Variants in NOS1 observed in about 807,000 individuals in gnomAD.
NOS1 encodes the protein nitric oxide synthase 1.
Under a neutral mutation model 164.5 loss-of-function variants are expected in NOS1, and 51 were observed. The ratio of observed to expected loss-of-function variants is 0.31; its 90% CI spans 0.25 to 0.39. The LOEUF is 0.39. Ranked by LOEUF, NOS1 falls within the 10% of genes least tolerant of loss-of-function variation. The probability of loss-of-function intolerance (pLI) is 1.00; values close to 1 mark genes in which losing one functional copy is unlikely to be tolerated. For synonymous variants in NOS1, 719 were observed against 745.8 expected, an observed-to-expected ratio of 0.96 and a Z score of 0.59; for missense variants, 1,362 against 1,885.6, an observed-to-expected ratio of 0.72 and a Z score of 5.14.
At chr12:117,238,062 T>C (rs1020081546) in intron 20 of NOS1, among the ~76,000 whole-genome samples, 1 of 152,046 alleles carries the variant, frequency 6.6e-6, no homozygotes, top group Non-Finnish European at 1.5e-5. Context: ...AAAGGTGGCA[T>C]GTTCAAGGAA....
At chr12:117,305,179 C>T in intron 3 of NOS1, 3 of 705,772 alleles carry the variant, frequency 4.3e-6, no homozygotes, top group Non-Finnish European at 5.2e-6. Context: ...GAAGCTGATT[C>T]CGGCTGGGAG....
chr12:117,311,149 G>C (rs1038048032), intron 3 of NOS1, among the ~76,000 whole-genome samples: 4 of 152,204 alleles, frequency 2.6e-5, no homozygotes, highest in African/African-American at 9.7e-5. Flanking sequence ...ACAGGCATGA[G>C]GCACTATGAC....
intron 14 of NOS1, among the ~76,000 whole-genome samples, chr12:117,260,238 C>T (rs1408067678): frequency 1.3e-5 from 2 of 152,110 alleles, no homozygotes; most frequent in Non-Finnish European, 2.9e-5. Flanking sequence ...AACCCTCTAA[C>T]ATTTTGCTCT....
intron 12 of NOS1, among the ~76,000 whole-genome samples, chr12:117,264,957 C>A (rs1031786592): frequency 6.6e-6 from 1 of 151,982 alleles, no homozygotes; most frequent in East Asian, 1.9e-4. Flanking sequence ...CCTGCCTTGG[C>A]CTCCCAAAGT....
At chr12:117,301,690 C>T (rs953060490) in intron 3 of NOS1, among the ~76,000 whole-genome samples, 9 of 152,098 alleles carry the variant, frequency 5.9e-5, no homozygotes, top group Non-Finnish European at 1.3e-4. Context: ...ACAGCCCGGC[C>T]CCCAGGAGGC....
Position 117,331,329 on chromosome 12 carries a change from G to C in NOS1, c.-260C>G. On this transcript the variant is annotated 5_prime_UTR_variant, in exon 2 of 29. Transcript: ENST00000317775. ...GGAAGTGATGGTTGACCAGGCAGAC[G>C]TCAAGAGAGGCGGTGGGACGTGTCC... 1 of 492,896 alleles carries C rather than the reference G, an allele frequency of 2.0e-6. No homozygotes were observed. Among genetic ancestry groups the C allele is most frequent in the Non-Finnish European group, 3.6e-6 (1 of 274,332 alleles). The allele number at this position is 492,896 out of a possible 1,614,324, so 30.5% of individuals were successfully genotyped here.
chr12:117,208,804 C>G lies in NOS1; in HGVS notation c.*6505G>C, dbSNP rs982499577. On this transcript the variant is annotated 3_prime_UTR_variant, in exon 29 of 29. Coordinates refer to ENST00000317775, the MANE Select transcript of NOS1 (RefSeq NM_000620.5). ...GTGGTGCCATCTCGGCTCACTGCAG[C>G]CTCTGCCTCCTGGGTTCAAGTAATT... is the stretch of plus-strand genomic sequence containing the variant. The G allele has an allele frequency of 3.4e-6, 3 of 875,182 alleles. No individual in the cohort carries two copies. Among genetic ancestry groups the G allele is most frequent in the Middle Eastern group, 5.7e-4 (1 of 1,756 alleles). 54.2% of individuals were successfully genotyped at this position (875,182 alleles called of 1,614,324 possible). A position where few individuals can be genotyped will look rare whatever the true frequency, so the allele number is the denominator to read the frequency against.
chr12:117,272,666 G>A lies in NOS1; in HGVS notation c.1665-107C>T. ...CCAAGGATGGACTGGGACTGACAAG[G>A]TCAGAATATGGTTCCTGGGCCCTGC... On this transcript the variant is annotated intron_variant, in intron 9 of 28. Transcript: ENST00000317775. The surrounding 1 kb of genome is among the most constrained non-coding windows in gnomAD (Gnocchi z 4.3). 9.5e-7 allele frequency: 1 copy of A among 1,053,486 alleles called. No homozygotes were observed. The allele number at this position is 1,053,486 out of a possible 1,614,324, so 65.3% of individuals were successfully genotyped here. A position where few individuals can be genotyped will look rare whatever the true frequency, so the allele number is the denominator to read the frequency against.
At chr12:117,358,459 C>T (rs924150495) in intron 1 of NOS1, among the ~76,000 whole-genome samples, 2 of 152,206 alleles carry the variant, frequency 1.3e-5, no homozygotes, top group Admixed American at 1.3e-4. Flanking sequence ...CTGAAAGCCA[C>T]GATGACACTA....
At position 117,214,316 on chromosome 12, in the gene NOS1, A is replaced by T. The variant is rs148683456; in HGVS notation, c.*993T>A. The T allele has an allele frequency of 1.0e-6, 1 of 985,342 alleles. No individual in the cohort carries two copies. Among genetic ancestry groups the T allele is most frequent in the Non-Finnish European group, 1.2e-6 (1 of 829,950 alleles). 61.0% of individuals were successfully genotyped at this position (985,342 alleles called of 1,614,324 possible). A position where few individuals can be genotyped will look rare whatever the true frequency, so the allele number is the denominator to read the frequency against. On this transcript the variant is annotated 3_prime_UTR_variant, in exon 29 of 29. Coordinates refer to ENST00000317775, the MANE Select transcript of NOS1 (RefSeq NM_000620.5). ...TTATGACTAGGAAAAACTGAGGACA[A>T]GTGACCCATCCAAAGTCATCCAGTG...
At chr12:117,297,592 A>G (rs538766802) in intron 3 of NOS1, among the ~76,000 whole-genome samples, 1 of 151,694 alleles carries the variant, frequency 6.6e-6, no homozygotes, top group Non-Finnish European at 1.5e-5. Context: ...GGGTTTCTTC[A>G]TGTTGGTTGG....
chr12:117,288,672 C>G (rs2136023325), intron 4 of NOS1, among the ~76,000 whole-genome samples: 1 of 152,244 alleles, frequency 6.6e-6, no homozygotes, highest in South Asian at 2.1e-4. Context: ...AGAAGTGGAA[C>G]CTATCCCTTA....
At position 117,255,651 on chromosome 12, in the gene NOS1, G is replaced by C. The variant is rs549439918; in HGVS notation, c.2532-1897C>G. Among the ~76,000 whole-genome samples the C allele has an allele frequency of 4.5e-3, 685 of 152,318 alleles. 5 individuals are homozygous for C. The highest frequency in any genetic ancestry group is 0.013 in the South Asian group (65 of 4,822). On this transcript the variant is annotated intron_variant, in intron 16 of 28. Transcript: ENST00000317775. ...CAGCACGTGCATTTGTATGAGGTTG[G>C]AGGTTTTTTCAAATGCTTTCCTTTT... is the stretch of plus-strand genomic sequence containing the variant.
intron 7 of NOS1, among the ~76,000 whole-genome samples, chr12:117,283,592 C>T (rs1455280119): frequency 1.3e-5 from 2 of 152,074 alleles, no homozygotes; most frequent in Non-Finnish European, 2.9e-5. Flanking sequence ...CGTGGTGGCT[C>T]ACACCTGTGA....
At chr12:117,295,007 C>A (rs1014504888) in intron 3 of NOS1, among the ~76,000 whole-genome samples, 1 of 152,206 alleles carries the variant, frequency 6.6e-6, no homozygotes, top group Non-Finnish European at 1.5e-5. Context: ...TCAGCCTGGG[C>A]TCCAGAGCTG....
At chr12:117,253,593 G>T in intron 17 of NOS1, 45 bp downstream of exon 17, 1 of 1,330,576 alleles carries the variant, frequency 7.5e-7, no homozygotes, top group Non-Finnish European at 1.1e-6. Context: ...CTCCCCAGGA[G>T]CCTTAGTCTT....
intron 26 of NOS1, among the ~76,000 whole-genome samples, chr12:117,220,512 T>A (rs1956686322): frequency 6.6e-6 from 1 of 152,174 alleles, no homozygotes; most frequent in African/African-American, 2.4e-5. Flanking sequence ...TCAGCTCTGC[T>A]AAGGACCCTC....
In NOS1 at chr12:117,339,342, A is replaced by G. The variant is rs113264416; in HGVS notation, c.-420-7853T>C. Among the ~76,000 whole-genome samples the G allele has an allele frequency of 2.2e-3, 341 of 152,350 alleles. 2 individuals are homozygous for G. Among genetic ancestry groups the G allele is most frequent in the African/African-American group, 7.8e-3 (326 of 41,580 alleles). ...TCAGAGGTAGTAACAGGCTCAGCTT[A>G]GAGTTACAAGCACGAGCATTAATGA... On this transcript the variant is annotated intron_variant, in intron 1 of 28. Transcript: ENST00000317775.
At chr12:117,257,001 G>A (rs574088297) in intron 16 of NOS1, among the ~76,000 whole-genome samples, 2 of 152,282 alleles carry the variant, frequency 1.3e-5, no homozygotes, top group South Asian at 2.1e-4. Context: ...GAACCCAGGA[G>A]GCGGAGGTTG....
Sources: gnomAD v4.1 joint callset for allele counts (sites outside exome capture counted in the v4.1 genomes callset) on GRCh38, gnomAD v4.1.1 for gene constraint, Gnocchi (gnomAD v3.1) non-coding constraint, MANE v1.5 for transcripts, NCBI Gene and HGNC (gene_info 2026-07-23, HGNC 2026-07-21) for gene names.